Variants in CENPE observed in about 807,000 individuals in gnomAD.
The protein encoded by CENPE is centromere protein E.
In CENPE, 145 loss-of-function variants were observed where a neutral mutation model predicts 336.1. That is an observed-to-expected ratio of 0.43 (90% CI 0.38 to 0.50). The LOEUF is 0.50. Ranked by LOEUF, CENPE falls within the 20% of genes least tolerant of loss-of-function variation. The probability of loss-of-function intolerance (pLI) is 0.00; values close to 1 mark genes in which losing one functional copy is unlikely to be tolerated. For missense variants in CENPE, 2,719 were observed against 3,023.3 expected (o/e 0.90, Z 2.36); for synonymous variants, 1,013 against 984.8 (o/e 1.03, Z -0.54).
chr4:103,195,171 T>C lies in CENPE; in HGVS notation c.420A>G (p.Thr140=), dbSNP rs756282243. The change falls in exon 5 of 49, where the codon ACA becomes ACG. Residue 140 remains threonine, a synonymous_variant. Transcript: ENST00000265148. ...TTTTTTGAGTGCCACAGAGTAAATC[T>C]GTAATGGTTTCATTGTATATTTCCA... is the stretch of plus-strand genomic sequence containing the variant. The part of the protein sequence containing the change: ...SYMEIYNETI[T]DLLCGTQKMK... The C allele has an allele frequency of 1.9e-6, 3 of 1,592,834 alleles. No individual in the cohort carries two copies. The South Asian group carries it at 3.5e-5, about 18-fold the overall frequency.
At chr4:103,196,125 A>C in intron 3 of CENPE, 38 bp downstream of exon 3, 1 of 1,595,728 alleles carries the variant, frequency 6.3e-7, no homozygotes, top group Non-Finnish European at 8.6e-7. Flanking sequence ...CAGACGCCCA[A>C]GACTAAAATG....
intron 17 of CENPE, 64 bp from the exon 18 acceptor site, chr4:103,163,320 A>G (rs1754615564): frequency 7.0e-7 from 1 of 1,424,370 alleles, no homozygotes; most frequent in East Asian, 2.3e-5. Context: ...GGATTAAAAC[A>G]GAACTTATAT....
At chr4:103,175,687 G>A (rs934351622) in intron 15 of CENPE, among the ~76,000 whole-genome samples, 2 of 152,014 alleles carry the variant, frequency 1.3e-5, no homozygotes, top group African/African-American at 2.4e-5. Flanking sequence ...AGTTTACCAA[G>A]GCAAAACAGA....
chr4:103,111,217 C>G (rs905373394), intron 46 of CENPE, among the ~76,000 whole-genome samples: 3 of 152,154 alleles, frequency 2.0e-5, no homozygotes, highest in African/African-American at 7.2e-5. Context: ...TCTAGAATCC[C>G]CCTCAACCAA....
rs1750753409 is a variant in CENPE at position 103,122,809 on chromosome 4, T to C, written c.7143+62A>G. 3 of 1,225,430 alleles carry C rather than the reference T, an allele frequency of 2.4e-6. 1 individual carries two copies. The South Asian group carries it at 3.8e-5, about 16-fold the overall frequency. The allele number at this position is 1,225,430 out of a possible 1,614,324, so 75.9% of individuals were successfully genotyped here. ...GTTCAGTAATAAGTAAATACTATAA[T>C]TTTGCTCTAAACTCTGTGATGAAGC... is the stretch of plus-strand genomic sequence containing the variant. On this transcript the variant is annotated intron_variant, in intron 43 of 48. Coordinates refer to ENST00000265148, the MANE Select transcript of CENPE (RefSeq NM_001813.3).
intron 8 of CENPE, among the ~76,000 whole-genome samples, chr4:103,189,071 C>G (rs1206834993): frequency 5.3e-5 from 8 of 152,158 alleles, no homozygotes; most frequent in Admixed American, 3.3e-4. Context: ...TGGACACATA[C>G]ACCCTCCCAA....
chr4:103,134,625 G>C (rs2125902706), intron 40 of CENPE, among the ~76,000 whole-genome samples: 1 of 103,142 alleles, frequency 9.7e-6, no homozygotes, highest in East Asian at 3.2e-4. Flanking sequence ...AACAGAGCAA[G>C]ACTCCGTCTC....
chr4:103,163,608 C>CAAAAAAAAAAAAAAAAAAAAAAAAAAAAA (rs11315612), intron 16 of CENPE, 55 bp from the exon 17 acceptor site: 1 of 280,022 alleles, frequency 3.6e-6, no homozygotes, highest in Non-Finnish European at 6.0e-6. Flanking sequence ...TAAAGCAAAG[C>CAAAAAAAAAAAAAAAAAAAAAAAAAAAAA]AAAAAAAAAA....
At position 103,175,915 on chromosome 4, in the gene CENPE, T is replaced by A. The variant is rs1344529212; in HGVS notation, c.1479+45A>T. The A allele has an allele frequency of 4.1e-6, 5 of 1,206,108 alleles. 1 individual carries two copies. The Admixed American group carries it at 1.1e-4, about 28-fold the overall frequency. The allele number at this position is 1,206,108 out of a possible 1,614,324, so 74.7% of individuals were successfully genotyped here. ...ACAAAACCTAATAACAAAAGAATTT[T>A]AAAAAGAGTAAAAGCATTATATGCT... On this transcript the variant is annotated intron_variant, in intron 15 of 48. Transcript: ENST00000265148.
chr4:103,151,747 G>A (rs1253446404), intron 25 of CENPE, among the ~76,000 whole-genome samples: 1 of 152,118 alleles, frequency 6.6e-6, no homozygotes, highest in Non-Finnish European at 1.5e-5. Flanking sequence ...TTTGGTTTTA[G>A]CACAGATCAC....
intron 8 of CENPE, among the ~76,000 whole-genome samples, chr4:103,192,934 T>A (rs1360925235): frequency 6.6e-6 from 1 of 151,852 alleles, no homozygotes; most frequent in African/African-American, 2.4e-5. Context: ...TTTAATTATT[T>A]TTTTAGGAGG....
At chr4:103,138,147 A>T (rs1032145659) in intron 39 of CENPE, among the ~76,000 whole-genome samples, 1 of 152,154 alleles carries the variant, frequency 6.6e-6, no homozygotes, top group Non-Finnish European at 1.5e-5. Context: ...TCTGGTGAGG[A>T]CTTAAATTCA....
chr4:103,157,493 A>G (rs1241354093), intron 24 of CENPE, among the ~76,000 whole-genome samples: 1 of 152,058 alleles, frequency 6.6e-6, no homozygotes, highest in African/African-American at 2.4e-5. Flanking sequence ...AAAGATAAAT[A>G]CTGCATGATT....
At chr4:103,133,145 G>A (rs568436046) in intron 41 of CENPE, among the ~76,000 whole-genome samples, 109 of 151,892 alleles carry the variant, frequency 7.2e-4, no homozygotes, top group African/African-American at 1.2e-3. Context: ...GTAACAGATT[G>A]TACCTATTAG....
At chr4:103,134,973 C>G (rs1253678127) in intron 40 of CENPE, among the ~76,000 whole-genome samples, 1 of 152,340 alleles carries the variant, frequency 6.6e-6, no homozygotes, top group East Asian at 1.9e-4. Context: ...CATATTCTGA[C>G]TCTCTGAAGT....
intron 9 of CENPE, among the ~76,000 whole-genome samples, chr4:103,184,080 T>C (rs1341165714): frequency 6.6e-6 from 1 of 152,256 alleles, no homozygotes; most frequent in Admixed American, 6.5e-5. Context: ...AAAAAAATTG[T>C]AAAAATAATT....
chr4:103,108,942 A>G lies in CENPE; in HGVS notation c.7872T>C (p.Ser2624=). ...CTTGTAAATTCCGTTCCTTGCATTG[A>G]GAGGGTGTAATTTGTTTCTTTTTAG... The part of the protein sequence containing the change: ...TASKKKQITP[S]QCKERNLQDP... Residue 2624 remains serine, a synonymous_variant, in exon 48 of 49, where the codon TCT becomes TCC. Coordinates refer to ENST00000265148, the MANE Select transcript of CENPE (RefSeq NM_001813.3). 2.5e-6 allele frequency: 4 copies of G among 1,613,832 alleles called. No individual in the cohort carries two copies. The highest frequency in any genetic ancestry group is 3.4e-6 in the Non-Finnish European group (4 of 1,179,840).
rs1187022198 is a variant in CENPE, at chr4:103,178,765, GTTTTAT to G, written c.1242+1540_1242+1545del. 1.5e-3 allele frequency among the ~76,000 whole-genome samples: 226 copies of G among 152,178 alleles called. 1 individual carries two copies. The highest frequency in any genetic ancestry group is 4.8e-3 in the African/African-American group (201 of 41,520). Reference sequence around the variant, plus strand: ...TCCCCTTAGCTACCATATTCACTAGGTTTTATTCTTAACTGTACAGCTAAACCTGGG... The same window carrying G: ...TCCCCTTAGCTACCATATTCACTAGGTCTTAACTGTACAGCTAAACCTGGG... On this transcript the variant is annotated intron_variant, in intron 13 of 48. Transcript: ENST00000265148.
intron 44 of CENPE, among the ~76,000 whole-genome samples, chr4:103,117,388 C>T (rs116752282): frequency 6.6e-6 from 1 of 152,086 alleles, no homozygotes; most frequent in Non-Finnish European, 1.5e-5. Context: ...TAAAATGGCA[C>T]ATGTCCATCA....
Sources: allele counts gnomAD v4.1 joint callset (sites outside exome capture counted in the v4.1 genomes callset), GRCh38; gene constraint gnomAD v4.1.1; transcripts MANE v1.5; gene names NCBI Gene and HGNC (gene_info 2026-07-23, HGNC 2026-07-21).